The following GABRG3 variants were observed in gnomAD, a reference collection of about 807,000 sequenced individuals.
GABRG3 encodes gamma-aminobutyric acid receptor subunit gamma-3.
GABRG3 carries 25 observed loss-of-function variants against 48.8 expected under a neutral mutation model. The observed-to-expected ratio is 0.51, with a 90% CI of 0.37 to 0.72. The LOEUF is 0.72. GABRG3 is among the 30% of genes least tolerant of loss of function. GABRG3 has a pLI of 0.00. For missense variants in GABRG3, 394 were observed against 577.9 expected (o/e 0.68, Z 3.26); for synonymous variants, 227 against 217.6 (o/e 1.04, Z -0.38).
chr15:27,203,967 A>G (rs560754778), intron 3 of GABRG3, among the ~76,000 whole-genome samples: 1 of 151,968 alleles, frequency 6.6e-6, no homozygotes, highest in South Asian at 2.1e-4. Context: ...TGTCAGGTGT[A>G]TAGTTTGTGA....
At chr15:27,390,314 C>T (rs902197925) in intron 5 of GABRG3, among the ~76,000 whole-genome samples, 1 of 152,194 alleles carries the variant, frequency 6.6e-6, no homozygotes, top group Non-Finnish European at 1.5e-5. Flanking sequence ...ACGTGGTAAA[C>T]TGTGAACAGC....
intron 3 of GABRG3, among the ~76,000 whole-genome samples, chr15:27,299,194 G>T (rs1277188893): frequency 1.3e-5 from 2 of 152,172 alleles, no homozygotes; most frequent in African/African-American, 2.4e-5. Flanking sequence ...TGAGGTAGGA[G>T]AATCACTTGA....
chr15:27,326,774 A>G, intron 3 of GABRG3, 35 bp from the exon 4 acceptor site: 1 of 1,497,498 alleles, frequency 6.7e-7, no homozygotes, highest in Non-Finnish European at 9.3e-7. Context: ...ATTTATTAAT[A>G]GAACTGTCTT....
intron 3 of GABRG3, among the ~76,000 whole-genome samples, chr15:27,278,139 C>T (rs1203079805): frequency 6.6e-6 from 1 of 152,046 alleles, no homozygotes; most frequent in Admixed American, 6.5e-5. Flanking sequence ...GCAACCTCCC[C>T]ATCCCGGGTT....
At chr15:27,254,308 G>A (rs879361338) in intron 3 of GABRG3, among the ~76,000 whole-genome samples, 28 of 152,266 alleles carry the variant, frequency 1.8e-4, no homozygotes, top group Admixed American at 3.3e-4. Flanking sequence ...AGGGACTCTC[G>A]AGAAGGCGCA....
At chr15:27,124,825 G>A (rs543312108) in intron 3 of GABRG3, among the ~76,000 whole-genome samples, 1 of 152,270 alleles carries the variant, frequency 6.6e-6, no homozygotes, top group African/African-American at 2.4e-5. Flanking sequence ...GAGCTGTTCT[G>A]GTTCCTTTGA....
intron 5 of GABRG3, among the ~76,000 whole-genome samples, chr15:27,357,814 A>G (rs182246870): frequency 4.5e-4 from 69 of 152,326 alleles, no homozygotes; most frequent in African/African-American, 1.5e-3. Flanking sequence ...CATCACATCA[A>G]ACTCAACAAC....
At chr15:27,502,485 C>A (rs1257693159) in intron 6 of GABRG3, among the ~76,000 whole-genome samples, 1 of 152,090 alleles carries the variant, frequency 6.6e-6, no homozygotes, top group Non-Finnish European at 1.5e-5. Flanking sequence ...GGCTTTTTTC[C>A]CCAGATCTGA....
At chr15:27,131,150 G>A (rs1044311997) in intron 3 of GABRG3, among the ~76,000 whole-genome samples, 1 of 152,092 alleles carries the variant, frequency 6.6e-6, no homozygotes. Context: ...ATTCACTATT[G>A]AATGTGATGT....
intron 3 of GABRG3, among the ~76,000 whole-genome samples, chr15:27,256,061 T>C (rs1156966554): frequency 6.6e-6 from 1 of 152,182 alleles, no homozygotes; most frequent in African/African-American, 2.4e-5. Context: ...GGGGAGGTTA[T>C]ACTGGATTCT....
chr15:27,077,698 G>A (rs1334279496), intron 3 of GABRG3, among the ~76,000 whole-genome samples: 1 of 152,186 alleles, frequency 6.6e-6, no homozygotes, highest in Non-Finnish European at 1.5e-5. Flanking sequence ...GAGATGGCAA[G>A]TGATTTGCCA....
At chr15:27,122,003 G>T (rs548737955) in intron 3 of GABRG3, among the ~76,000 whole-genome samples, 8 of 152,216 alleles carry the variant, frequency 5.3e-5, no homozygotes, top group African/African-American at 1.9e-4. Context: ...ATGGCTAATG[G>T]ATACAAAAAA....
intron 5 of GABRG3, among the ~76,000 whole-genome samples, chr15:27,383,382 C>T (rs1211672535): frequency 2.6e-5 from 4 of 152,176 alleles, no homozygotes; most frequent in South Asian, 2.1e-4. Flanking sequence ...CTGTCTTGTG[C>T]TCCTGTGATA....
At chr15:27,192,989 C>T (rs1188704674) in intron 3 of GABRG3, among the ~76,000 whole-genome samples, 3 of 152,106 alleles carry the variant, frequency 2.0e-5, no homozygotes, top group Admixed American at 2.0e-4. Flanking sequence ...CACTCCAGAC[C>T]CTGTTTGCCT....
intron 3 of GABRG3, among the ~76,000 whole-genome samples, chr15:27,170,307 G>A (rs1349958691): frequency 2.0e-5 from 3 of 152,126 alleles, no homozygotes; most frequent in Non-Finnish European, 4.4e-5. Flanking sequence ...ATATACTGTT[G>A]TAAATCACAT....
At chr15:27,273,558 A>G (rs1405801210) in intron 3 of GABRG3, among the ~76,000 whole-genome samples, 1 of 152,224 alleles carries the variant, frequency 6.6e-6, no homozygotes, top group Non-Finnish European at 1.5e-5. Flanking sequence ...CTCAAGGCGC[A>G]GAAGTCGTAT....
chr15:27,479,029 A>AG (rs1257155794), intron 5 of GABRG3, among the ~76,000 whole-genome samples: 1 of 152,022 alleles, frequency 6.6e-6, no homozygotes, highest in African/African-American at 2.4e-5. Context: ...AGGGGGGAAA[A>AG]GGGGAGTGAC....
intron 3 of GABRG3, among the ~76,000 whole-genome samples, chr15:27,313,260 GTGTATA>G (rs1457133024): frequency 3.6e-4 from 18 of 49,544 alleles, no homozygotes; most frequent in African/African-American, 8.9e-4. Flanking sequence ...GTGTGTGTGT[GTGTATA>G]TATATATATA....
At chr15:27,078,677 G>A (rs1896947077) in intron 3 of GABRG3, among the ~76,000 whole-genome samples, 1 of 152,160 alleles carries the variant, frequency 6.6e-6, no homozygotes, top group African/African-American at 2.4e-5. Flanking sequence ...GATAATAAGA[G>A]TGTCTTCTTG....
Sources: allele counts gnomAD v4.1 joint callset (sites outside exome capture counted in the v4.1 genomes callset), GRCh38; gene constraint gnomAD v4.1.1; transcripts MANE v1.5; gene names NCBI Gene and HGNC (gene_info 2026-07-23, HGNC 2026-07-21).